Variants in SLC45A2 observed in about 807,000 individuals in gnomAD.
SLC45A2 encodes the protein membrane-associated transporter protein.
SLC45A2 carries 36 observed loss-of-function variants against 45.5 expected under a neutral mutation model. That is an observed-to-expected ratio of 0.79 (90% CI 0.61 to 1.04). The LOEUF (loss-of-function observed/expected upper bound fraction) is 1.04, where lower values mean the gene tolerates loss of function less well. Ranked by LOEUF, SLC45A2 falls within the 50% of genes least tolerant of loss-of-function variation. The pLI is 0.00. For synonymous variants in SLC45A2, 306 were observed against 269.3 expected (o/e 1.14, Z -1.33); for missense variants, 719 against 671.0 (o/e 1.07, Z -0.79).
intron 2 of SLC45A2, among the ~76,000 whole-genome samples, chr5:33,967,478 C>T (rs1752632666): frequency 6.6e-6 from 1 of 152,184 alleles, no homozygotes; most frequent in South Asian, 2.1e-4. Flanking sequence ...ACCACTGACA[C>T]CAATGCTGCT....
chr5:33,971,375 A>G (rs1440720141), intron 2 of SLC45A2: 1 of 489,998 alleles, frequency 2.0e-6, no homozygotes, highest in East Asian at 5.5e-5. Flanking sequence ...GTGGACCACC[A>G]TAAACAGGAA....
rs182365574 is a variant in SLC45A2, at chr5:33,956,689, C to T, written c.889-2185G>A. On this transcript the variant is annotated intron_variant, in intron 3 of 6. Coordinates refer to ENST00000296589, the MANE Select transcript of SLC45A2 (RefSeq NM_016180.5). ...TGATGGAATATCTTTAGGCATCAAT[C>T]CCAGAGTCCTGATTTAGCTCCTTCT... Among the ~76,000 whole-genome samples, 319 of 152,248 alleles carry T rather than the reference C, an allele frequency of 2.1e-3. 1 individual carries two copies. The highest frequency in any genetic ancestry group is 7.4e-3 in the African/African-American group (309 of 41,558).
At chr5:33,957,280 C>T (rs1317312493) in intron 3 of SLC45A2, among the ~76,000 whole-genome samples, 2 of 152,074 alleles carry the variant, frequency 1.3e-5, no homozygotes, top group Non-Finnish European at 1.5e-5. Context: ...TTCTGAATCA[C>T]GACATTGAGT....
At chr5:33,977,486 T>C (rs1752962321) in intron 2 of SLC45A2, among the ~76,000 whole-genome samples, 1 of 152,182 alleles carries the variant, frequency 6.6e-6, no homozygotes, top group African/African-American at 2.4e-5. Flanking sequence ...AGAAATTAAG[T>C]ATACCTGCAG....
chr5:33,984,323 C>T lies in SLC45A2; in HGVS notation c.261G>A (p.Val87=). The change falls in exon 1 of 7, where the codon GTG becomes GTA. Residue 87 remains valine, a synonymous_variant. Coordinates refer to ENST00000296589, the MANE Select transcript of SLC45A2 (RefSeq NM_016180.5). ...GGCAGTGGTCGCTGGCCGATCCGAC[C>T]ACGGGCTGCAGCAGGAATCCCAGGA... ...SPILGFLLQP[V]VGSASDHCRS... 6.2e-7 allele frequency: 1 copy of T among 1,614,108 alleles called. No homozygotes were observed. Among genetic ancestry groups the T allele is most frequent in the Non-Finnish European group, 8.5e-7 (1 of 1,180,012 alleles).
intron 5 of SLC45A2, among the ~76,000 whole-genome samples, chr5:33,948,579 T>C (rs557400389): frequency 1.8e-4 from 27 of 152,348 alleles, no homozygotes; most frequent in Non-Finnish European, 3.4e-4. Flanking sequence ...ACTCTCACAC[T>C]GATGGAAGAC....
intron 3 of SLC45A2, among the ~76,000 whole-genome samples, chr5:33,962,173 T>C (rs1752474710): frequency 6.6e-6 from 1 of 152,242 alleles, no homozygotes; most frequent in African/African-American, 2.4e-5. Context: ...TACCATGTTC[T>C]ATCATGGATT....
At chr5:33,946,911 G>A (rs1465278953) in intron 6 of SLC45A2, 1 of 1,412,984 alleles carries the variant, frequency 7.1e-7, no homozygotes, top group Non-Finnish European at 9.2e-7. Flanking sequence ...TAGAAAAATG[G>A]GAGTAACACT....
chr5:33,954,429 T>C lies in SLC45A2; in HGVS notation c.964A>G (p.Ile322Val). The C allele has an allele frequency of 6.2e-7, 1 of 1,614,078 alleles. No individual in the cohort carries two copies. Among genetic ancestry groups the C allele is most frequent in the Non-Finnish European group, 8.5e-7 (1 of 1,180,000 alleles). ...NMPPHYRYLC[I>V]SHLIGWTAFL... Reference sequence around the variant, plus strand: ...GCTGTCCATCCAATGAGGTGGCTGATGCAAAGGTAGCGGTAGTGAGGAGGC... The same window carrying C: ...GCTGTCCATCCAATGAGGTGGCTGACGCAAAGGTAGCGGTAGTGAGGAGGC... The change falls in exon 4 of 7, where the codon ATC becomes GTC. Residue 322 changes from isoleucine to valine, a missense_variant. Coordinates refer to ENST00000296589, the MANE Select transcript of SLC45A2 (RefSeq NM_016180.5).
intron 3 of SLC45A2, among the ~76,000 whole-genome samples, chr5:33,957,509 TCA>T (rs1270308712): frequency 1.3e-5 from 2 of 152,232 alleles, no homozygotes; most frequent in East Asian, 3.8e-4. Context: ...TTTCTGATAA[TCA>T]GTGTTAAACA....
chr5:33,968,053 C>T (rs772324569), intron 2 of SLC45A2, among the ~76,000 whole-genome samples: 2 of 151,508 alleles, frequency 1.3e-5, no homozygotes, highest in Non-Finnish European at 2.9e-5. Flanking sequence ...TAGTACAACA[C>T]GACATGCCAG....
intron 5 of SLC45A2, chr5:33,951,346 A>G: frequency 7.4e-7 from 1 of 1,355,510 alleles, no homozygotes; most frequent in East Asian, 2.5e-5. Flanking sequence ...AGAGCAAAGT[A>G]ATCAGTGAGG....
At chr5:33,971,063 A>G (rs1752761360) in intron 2 of SLC45A2, 1 of 500,708 alleles carries the variant, frequency 2.0e-6, no homozygotes, top group Admixed American at 2.2e-5. Flanking sequence ...AACTGAAGAA[A>G]AATTCATTGT....
chr5:33,946,248 G>T, intron 6 of SLC45A2: 6 of 985,420 alleles, frequency 6.1e-6, no homozygotes, highest in Non-Finnish European at 7.2e-6. Flanking sequence ...TTTGCCAGGG[G>T]ATGAGGAAAG....
At chr5:33,946,430 AT>A (rs1249855114) in intron 6 of SLC45A2, 3 of 985,618 alleles carry the variant, frequency 3.0e-6, no homozygotes, top group African/African-American at 3.5e-5. Context: ...CTTTTATATC[AT>A]TGCTCCAGTT....
At chr5:33,964,059 T>C in intron 2 of SLC45A2, 43 bp from the exon 3 acceptor site, 1 of 1,594,456 alleles carries the variant, frequency 6.3e-7, no homozygotes, top group Non-Finnish European at 8.6e-7. Context: ...TAGCAAATTA[T>C]CGTTCATTTT....
intron 2 of SLC45A2, among the ~76,000 whole-genome samples, chr5:33,980,047 C>T (rs1236891771): frequency 6.6e-6 from 1 of 152,066 alleles, no homozygotes; most frequent in African/African-American, 2.4e-5. Context: ...CTCTTAATAT[C>T]GAGTTCAAAA....
chr5:33,959,461 A>T lies in SLC45A2; in HGVS notation c.888+4230T>A, dbSNP rs192717867. ...CTCCTCCAGGCAGCCTGGTGTAGGG[A>T]AAGGGGGTTGAGTCCAGGCATTAGG... On this transcript the variant is annotated intron_variant, in intron 3 of 6. Transcript: ENST00000296589. Among the ~76,000 whole-genome samples the T allele has an allele frequency of 8.9e-4, 136 of 152,142 alleles. 2 individuals are homozygous for T. The East Asian group carries it at 0.024, about 27-fold the overall frequency.
intron 2 of SLC45A2, among the ~76,000 whole-genome samples, chr5:33,969,313 T>TA (rs1752714038): frequency 6.6e-6 from 1 of 151,796 alleles, no homozygotes; most frequent in Non-Finnish European, 1.5e-5. Flanking sequence ...AAAAAAATGA[T>TA]ACATATGCTC....
Sources: allele counts gnomAD v4.1 joint callset (sites outside exome capture counted in the v4.1 genomes callset), GRCh38; gene constraint gnomAD v4.1.1; transcripts MANE v1.5; gene names NCBI Gene and HGNC (gene_info 2026-07-23, HGNC 2026-07-21).